ERC2: variants seen among roughly 807,000 people sequenced by gnomAD.
The protein encoded by ERC2 is ELKS/RAB6-interacting/CAST family member 2.
In ERC2, 42 loss-of-function variants were observed where a neutral mutation model predicts 114.8. That is an observed-to-expected ratio of 0.37 (90% CI 0.29 to 0.47). The LOEUF is 0.47. ERC2 is among the 20% of genes least tolerant of loss of function. The probability of loss-of-function intolerance (pLI) is 0.99; values close to 1 mark genes in which losing one functional copy is unlikely to be tolerated. For synonymous variants in ERC2, 454 were observed against 425.5 expected (o/e 1.07, Z -0.82); for missense variants, 939 against 1,150.7 (o/e 0.82, Z 2.66).
chr3:56,048,077 A>T (rs919571958), intron 7 of ERC2, among the ~76,000 whole-genome samples: 2 of 152,238 alleles, frequency 1.3e-5, no homozygotes, highest in African/African-American at 2.4e-5. Flanking sequence ...ACAATTTTTT[A>T]AAAAGATTTA....
At chr3:55,991,326 T>C (rs1218009858) in intron 11 of ERC2, among the ~76,000 whole-genome samples, 1 of 152,218 alleles carries the variant, frequency 6.6e-6, no homozygotes, top group Non-Finnish European at 1.5e-5. Context: ...GCAGAGGTTA[T>C]GGAGTTATGT....
At chr3:56,195,442 T>A (rs1252023823) in intron 3 of ERC2, among the ~76,000 whole-genome samples, 3 of 151,972 alleles carry the variant, frequency 2.0e-5, no homozygotes, top group African/African-American at 7.2e-5. Flanking sequence ...AAATCGTGGA[T>A]AAGGGGGAAC....
chr3:55,974,468 GA>G (rs1478989201), intron 12 of ERC2, among the ~76,000 whole-genome samples: 4 of 152,192 alleles, frequency 2.6e-5, no homozygotes, highest in African/African-American at 9.6e-5. Context: ...TTTCGGCTTT[GA>G]TGCTGCTGCG....
intron 14 of ERC2, among the ~76,000 whole-genome samples, chr3:55,838,010 C>T (rs551111369): frequency 6.6e-6 from 1 of 151,124 alleles, no homozygotes; most frequent in South Asian, 2.1e-4. Flanking sequence ...ATAATCATTA[C>T]ATAATTATGA....
rs1015354364 is a variant in ERC2, at chr3:55,701,359, T to G, written c.2713-1847A>C. On this transcript the variant is annotated intron_variant, in intron 15 of 17. Transcript: ENST00000288221. ...TTCTCAATCTCTAGGCTTTTTTCCT[T>G]GTCTTGCTGCTAGCAGAAAAGGCAA... is the stretch of plus-strand genomic sequence containing the variant. Among the ~76,000 whole-genome samples the G allele has an allele frequency of 2.6e-5, 4 of 152,164 alleles. No homozygotes were observed. The East Asian group carries it at 7.7e-4, about 29-fold the overall frequency.
At chr3:56,090,818 G>C (rs1319478165) in intron 6 of ERC2, among the ~76,000 whole-genome samples, 2 of 150,360 alleles carry the variant, frequency 1.3e-5, no homozygotes, top group East Asian at 2.0e-4. Flanking sequence ...TTTATTTCTA[G>C]CTTTGTCCAC....
chr3:55,905,227 T>A (rs976712088), intron 13 of ERC2, among the ~76,000 whole-genome samples: 5 of 152,138 alleles, frequency 3.3e-5, no homozygotes, highest in African/African-American at 9.7e-5. Context: ...ACCACAGGCA[T>A]GCACCATCAC....
At chr3:55,967,474 T>TG (rs2068827201) in intron 12 of ERC2, among the ~76,000 whole-genome samples, 1 of 152,232 alleles carries the variant, frequency 6.6e-6, no homozygotes. Context: ...GCCCTTTTTC[T>TG]GGTATAAATC....
At chr3:56,002,561 A>G (rs369689907) in intron 10 of ERC2, among the ~76,000 whole-genome samples, 14 of 152,278 alleles carry the variant, frequency 9.2e-5, no homozygotes, top group African/African-American at 3.1e-4. Context: ...CAGAATTGTT[A>G]CTATCTGTTA....
intron 3 of ERC2, among the ~76,000 whole-genome samples, chr3:56,286,977 C>T (rs1336399744): frequency 2.0e-5 from 3 of 152,168 alleles, no homozygotes; most frequent in Admixed American, 1.3e-4. Flanking sequence ...GCTGCTGTAA[C>T]GATAGCCACT....
chr3:56,040,734 C>G (rs1302387524), intron 7 of ERC2, among the ~76,000 whole-genome samples: 1 of 133,812 alleles, frequency 7.5e-6, no homozygotes, highest in Admixed American at 7.5e-5. Flanking sequence ...AGATATATCT[C>G]TATATATATA....
At chr3:55,957,970 G>A (rs1459492772) in intron 12 of ERC2, among the ~76,000 whole-genome samples, 3 of 152,176 alleles carry the variant, frequency 2.0e-5, no homozygotes, top group Non-Finnish European at 4.4e-5. Flanking sequence ...ATGGTGAGTT[G>A]GGGGTGTGTT....
chr3:55,583,399 T>TTTCCTTCCTTCCTTCCTTCCTTCTTTCC (rs2057376054), intron 17 of ERC2, among the ~76,000 whole-genome samples: 24 of 87,054 alleles, frequency 2.8e-4, no homozygotes, highest in African/African-American at 1.1e-3. Flanking sequence ...TCCTTCCTTC[T>TTTCCTTCCTTCCTTCCTTCCTTCTTTCC]TTCCTTCCTT....
intron 17 of ERC2, among the ~76,000 whole-genome samples, chr3:55,638,472 G>C (rs2060045370): frequency 6.6e-6 from 1 of 152,144 alleles, no homozygotes; most frequent in Admixed American, 6.5e-5. Flanking sequence ...TTACGTCAGT[G>C]AATTTAGTCC....
intron 3 of ERC2, among the ~76,000 whole-genome samples, chr3:56,286,645 T>G (rs1442339802): frequency 6.6e-6 from 1 of 152,098 alleles, no homozygotes; most frequent in African/African-American, 2.4e-5. Flanking sequence ...AAGAGGCAGA[T>G]AGTAAATACT....
At chr3:56,309,821 A>C (rs1251735546) in intron 2 of ERC2, among the ~76,000 whole-genome samples, 1 of 152,182 alleles carries the variant, frequency 6.6e-6, no homozygotes, top group African/African-American at 2.4e-5. Flanking sequence ...ATTTTGAGAC[A>C]CTGGTGGTGG....
chr3:55,823,424 C>T (rs71309930), intron 14 of ERC2, among the ~76,000 whole-genome samples: 1,713 of 152,256 alleles, frequency 0.011, 24 homozygotes, highest in Non-Finnish European at 0.012. Context: ...CCATACCCTG[C>T]TGTCCTGGTA....
chr3:56,323,524 T>C (rs1391574595), intron 2 of ERC2, among the ~76,000 whole-genome samples: 1 of 152,084 alleles, frequency 6.6e-6, no homozygotes, highest in East Asian at 1.9e-4. Flanking sequence ...TTAGAAGATA[T>C]GAGCAAAACT....
rs1324752720 is a variant in ERC2, at chr3:55,952,176, C to CTATATAT, written c.2268-1617_2268-1616insATATATA. Among the ~76,000 whole-genome samples, 185 of 44,898 alleles carry CTATATAT rather than the reference C, an allele frequency of 4.1e-3. 10 individuals carry two copies. The highest frequency in any genetic ancestry group is 0.019 in the South Asian group (26 of 1,358). 29.5% of individuals were successfully genotyped at this position (44,898 alleles called of 152,430 possible). On this transcript the variant is annotated intron_variant, in intron 12 of 17. Coordinates refer to ENST00000288221, the MANE Select transcript of ERC2 (RefSeq NM_015576.3). ...ACACACACACACACACACACACACA[C>CTATATAT]ACACTCTCTCTCTCTCTCTCTCTAT...
Sources: gnomAD v4.1 joint callset for allele counts (sites outside exome capture counted in the v4.1 genomes callset) on GRCh38, gnomAD v4.1.1 for gene constraint, MANE v1.5 for transcripts, NCBI Gene and HGNC (gene_info 2026-07-23, HGNC 2026-07-21) for gene names.